NUP37: variants seen among roughly 807,000 people sequenced by gnomAD.
NUP37 encodes nucleoporin Nup37.
Under a neutral mutation model 45.4 loss-of-function variants are expected in NUP37, and 33 were observed. The ratio of observed to expected loss-of-function variants is 0.73; its 90% confidence interval spans 0.55 to 0.97. The LOEUF (loss-of-function observed/expected upper bound fraction) is 0.97, where lower values mean the gene tolerates loss of function less well. NUP37 is among the 50% of genes least tolerant of loss of function. The pLI is 0.00. For missense variants in NUP37, 365 were observed against 389.7 expected (o/e 0.94, Z 0.53); for synonymous variants, 127 against 130.7 (o/e 0.97, Z 0.19).
At chr12:102,084,398 C>T (rs1879411406) in intron 6 of NUP37, among the ~76,000 whole-genome samples, 1 of 152,148 alleles carries the variant, frequency 6.6e-6, no homozygotes, top group African/African-American at 2.4e-5. Context: ...GTAGTCCCAG[C>T]AATATGGGAG....
intron 6 of NUP37, among the ~76,000 whole-genome samples, chr12:102,077,746 T>C (rs759944077): frequency 8.5e-5 from 13 of 152,074 alleles, no homozygotes; most frequent in Non-Finnish European, 1.5e-4. Flanking sequence ...TGCACAAAAT[T>C]ATTAAAAAAA....
intron 8 of NUP37, 39 bp downstream of exon 8, chr12:102,076,758 A>G: frequency 6.3e-7 from 1 of 1,592,692 alleles, no homozygotes; most frequent in Admixed American, 1.7e-5. Context: ...AGCAACGTCA[A>G]AAGATCAAAT....
chr12:102,114,918 C>T (rs1271646482), intron 2 of NUP37, among the ~76,000 whole-genome samples: 4 of 152,190 alleles, frequency 2.6e-5, no homozygotes, highest in Admixed American at 6.5e-5. Flanking sequence ...CATTATTCCA[C>T]GTTCCATCTC....
chr12:102,104,664 T>C (rs889424352), intron 3 of NUP37, among the ~76,000 whole-genome samples: 1 of 152,214 alleles, frequency 6.6e-6, no homozygotes, highest in Admixed American at 6.5e-5. Flanking sequence ...TCATTCTGCA[T>C]GATACTCAGT....
At chr12:102,079,570 C>T (rs1879274827) in intron 6 of NUP37, among the ~76,000 whole-genome samples, 1 of 152,108 alleles carries the variant, frequency 6.6e-6, no homozygotes, top group Non-Finnish European at 1.5e-5. Context: ...TTAATATATA[C>T]TGATTCATTA....
intron 3 of NUP37, among the ~76,000 whole-genome samples, chr12:102,110,678 C>A (rs1233841590): frequency 1.3e-5 from 2 of 151,974 alleles, no homozygotes; most frequent in Admixed American, 1.3e-4. Flanking sequence ...CCTGTCCCTA[C>A]AAAAAATACC....
chr12:102,112,232 C>T lies in NUP37; in HGVS notation c.157G>A (p.Glu53Lys). The part of the protein sequence containing the change: ...YVVIGTCTFQ[E>K]EEADVEGIQY... ...ATGCCTTCAACGTCTGCTTCTTCTTCCTAAGCATACACAGTAAATGTTTTA... is the reference window on the plus strand; with the variant it reads ...ATGCCTTCAACGTCTGCTTCTTCTTTCTAAGCATACACAGTAAATGTTTTA... The change falls in exon 3 of 10, where the codon GAA (glutamate) becomes AAA (lysine). Residue 53 changes from glutamate (E) to lysine (K), a missense_variant and splice_region_variant. Physicochemically the swap from Glu to Lys is moderately conservative, Grantham distance 56. Transcript: ENST00000552283. 6.2e-7 allele frequency: 1 copy of T among 1,609,122 alleles called. No individual in the cohort carries two copies. Among genetic ancestry groups the T allele is most frequent in the South Asian group, 1.1e-5 (1 of 90,670 alleles).
intron 5 of NUP37, among the ~76,000 whole-genome samples, chr12:102,091,650 A>G (rs919258191): frequency 3.3e-5 from 5 of 152,126 alleles, no homozygotes; most frequent in African/African-American, 1.2e-4. Flanking sequence ...TTATGTGCTG[A>G]CATATTAAGG....
chr12:102,095,543 C>T (rs1879778152), intron 5 of NUP37, among the ~76,000 whole-genome samples: 1 of 151,990 alleles, frequency 6.6e-6, no homozygotes, highest in African/African-American at 2.4e-5. Context: ...TGACTAGCAA[C>T]CCCATGCTTT....
rs145320551 is a variant in NUP37, at chr12:102,105,760, C to T, written c.282-4656G>A. 5.8e-4 allele frequency among the ~76,000 whole-genome samples: 87 copies of T among 149,748 alleles called. 2 individuals carry two copies. The East Asian group carries it at 0.015, about 25-fold the overall frequency. On this transcript the variant is annotated intron_variant, in intron 3 of 9. Transcript: ENST00000552283. ...CCTATAATCCCAGCTACTCGGGAGG[C>T]TGAGGCAGGGAGAATCACTTGAACC...
intron 3 of NUP37, 39 bp downstream of exon 3, chr12:102,112,069 T>C (rs1880332993): frequency 6.3e-7 from 1 of 1,590,186 alleles, no homozygotes; most frequent in Non-Finnish European, 8.6e-7. Context: ...ACAATCAAAG[T>C]ACATTAGTAA....
At position 102,103,591 on chromosome 12, in the gene NUP37, T is replaced by C. The variant is rs146372547; in HGVS notation, c.282-2487A>G. Reference sequence around the variant, plus strand: ...CGTTTTAATTCTTTTTCATATCTAATTGCTCTGGCTAGGACTTCAAGTACT... The same window carrying C: ...CGTTTTAATTCTTTTTCATATCTAACTGCTCTGGCTAGGACTTCAAGTACT... On this transcript the variant is annotated intron_variant, in intron 3 of 9. Transcript: ENST00000552283. 7.2e-5 allele frequency among the ~76,000 whole-genome samples: 11 copies of C among 152,294 alleles called. No individual in the cohort carries two copies. The East Asian group carries it at 7.7e-4, about 11-fold the overall frequency.
intron 6 of NUP37, among the ~76,000 whole-genome samples, chr12:102,083,325 C>CA (rs1879379933): frequency 6.6e-6 from 1 of 152,186 alleles, no homozygotes; most frequent in Non-Finnish European, 1.5e-5. Flanking sequence ...GAACTGGACT[C>CA]AGAAATAAAC....
At chr12:102,089,438 C>T (rs974335181) in intron 5 of NUP37, among the ~76,000 whole-genome samples, 5 of 143,324 alleles carry the variant, frequency 3.5e-5, no homozygotes, top group African/African-American at 1.3e-4. Context: ...CCGAGGCACT[C>T]CTCACTTCCC....
intron 3 of NUP37, among the ~76,000 whole-genome samples, chr12:102,105,456 G>A (rs1880111738): frequency 6.6e-6 from 1 of 152,250 alleles, no homozygotes; most frequent in East Asian, 1.9e-4. Context: ...CTTGAGCCCG[G>A]GAGGCGGAGG....
intron 3 of NUP37, among the ~76,000 whole-genome samples, chr12:102,108,620 T>C (rs1310403275): frequency 6.6e-6 from 1 of 151,942 alleles, no homozygotes; most frequent in Admixed American, 6.5e-5. Flanking sequence ...TATGTGTGTT[T>C]AAACACGTAT....
intron 5 of NUP37, among the ~76,000 whole-genome samples, chr12:102,091,851 G>A (rs1053494946): frequency 6.6e-6 from 1 of 152,170 alleles, no homozygotes; most frequent in African/African-American, 2.4e-5. Flanking sequence ...TCAGATCTAA[G>A]ATTATGAATT....
At chr12:102,110,014 G>C (rs1880265211) in intron 3 of NUP37, among the ~76,000 whole-genome samples, 1 of 152,188 alleles carries the variant, frequency 6.6e-6, no homozygotes, top group Non-Finnish European at 1.5e-5. Flanking sequence ...GCTGACAAAA[G>C]CTATTGTGTA....
chr12:102,086,437 T>C (rs1879473932), intron 5 of NUP37, among the ~76,000 whole-genome samples: 1 of 152,224 alleles, frequency 6.6e-6, no homozygotes, highest in Admixed American at 6.5e-5. Flanking sequence ...GGCTTACTTT[T>C]CCAGTTTTCT....
Sources: allele counts gnomAD v4.1 joint callset (sites outside exome capture counted in the v4.1 genomes callset), GRCh38; gene constraint gnomAD v4.1.1; transcripts MANE v1.5; gene names NCBI Gene and HGNC (gene_info 2026-07-23, HGNC 2026-07-21).